Variants in TLL2 observed in about 807,000 individuals in gnomAD.
TLL2 encodes the protein tolloid-like protein 2.
In TLL2, 106 loss-of-function variants were observed where a neutral mutation model predicts 123.0. That is an observed-to-expected ratio of 0.86 (90% confidence interval 0.74 to 1.01). The LOEUF is 1.01. TLL2 is among the 50% of genes least tolerant of loss of function. TLL2 has a pLI of 0.00. For missense variants in TLL2, 1,332 were observed against 1,336.7 expected (o/e 1.00, Z 0.06); for synonymous variants, 494 against 516.8 (o/e 0.96, Z 0.60).
chr10:96,398,837 A>G (rs938407307), intron 10 of TLL2, among the ~76,000 whole-genome samples: 3 of 141,680 alleles, frequency 2.1e-5, no homozygotes, highest in Non-Finnish European at 4.7e-5. Flanking sequence ...GCTAATGAAT[A>G]TGGGTCTTCT....
chr10:96,424,165 G>A (rs1329036500), intron 5 of TLL2, among the ~76,000 whole-genome samples: 1 of 152,094 alleles, frequency 6.6e-6, no homozygotes, highest in Non-Finnish European at 1.5e-5. Context: ...TGGAAGGGTA[G>A]TGGGGGACTG....
At position 96,368,001 on chromosome 10, in the gene TLL2, TA is replaced by T; in HGVS notation, c.*86del. 5 of 1,522,058 alleles carry T rather than the reference TA, an allele frequency of 3.3e-6. No individual in the cohort carries two copies. Among genetic ancestry groups the T allele is most frequent in the Non-Finnish European group, 4.5e-6 (5 of 1,118,434 alleles). 94.3% of individuals were successfully genotyped at this position (1,522,058 alleles called of 1,614,324 possible). On this transcript the variant is annotated 3_prime_UTR_variant, in exon 21 of 21. Coordinates refer to ENST00000357947, the MANE Select transcript of TLL2 (RefSeq NM_012465.4). ...TTGAGAAAAATACTGTACACTGTTT[TA>T]GGGCAGATTTTCAAGGTGCTATTGT... is the stretch of plus-strand genomic sequence containing the variant.
chr10:96,408,106 C>T (rs966467228), intron 9 of TLL2, among the ~76,000 whole-genome samples: 2 of 152,240 alleles, frequency 1.3e-5, no homozygotes, highest in African/African-American at 4.8e-5. Context: ...TCCTATCCCA[C>T]ACCGTGCTCA....
chr10:96,395,199 T>A lies in TLL2; in HGVS notation c.1714A>T (p.Asn572Tyr), dbSNP rs1224786994. 1 of 1,602,446 alleles carries A rather than the reference T, an allele frequency of 6.2e-7. No homozygotes were observed. The change falls in exon 13 of 21, where the codon AAT (asparagine) becomes TAT (tyrosine). Residue 572 changes from asparagine (N) to tyrosine (Y), a missense_variant. Coordinates refer to ENST00000357947, the MANE Select transcript of TLL2 (RefSeq NM_012465.4). The stretch of plus-strand genomic sequence containing the variant: ...TGCTAATTCATACCCTTGAAAAAAT[T>A]GGCTGCAAAGCCCGCTTTATTGATA... ...GSINKAGFAA[N>Y]FFKEVDECSW...
chr10:96,372,013 T>C (rs1193755387), intron 19 of TLL2, among the ~76,000 whole-genome samples: 2 of 152,114 alleles, frequency 1.3e-5, no homozygotes, highest in African/African-American at 4.8e-5. Context: ...TGTCCCATAC[T>C]CTCCCACCCC....
Position 96,513,481 on chromosome 10 carries a change from CTGCGGGACT to C in TLL2, c.175+21_175+29del, listed in dbSNP as rs751978985. 8 of 1,611,224 alleles carry C rather than the reference CTGCGGGACT, an allele frequency of 5.0e-6. No individual in the cohort carries two copies. In the African/African-American group the frequency reaches 9.4e-5, roughly 19 times the overall value. On this transcript the variant is annotated intron_variant, in intron 1 of 20. Transcript: ENST00000357947. Reference sequence around the variant, plus strand: ...TCATTTGCATTTCAAAGGCAAACTTCTGCGGGACTTCCCCAGCGGCGGCACCTACCGGCT... The same window carrying C: ...TCATTTGCATTTCAAAGGCAAACTTCTCCCCAGCGGCGGCACCTACCGGCT...
At chr10:96,442,409 G>A (rs532821565) in intron 3 of TLL2, among the ~76,000 whole-genome samples, 8 of 152,196 alleles carry the variant, frequency 5.3e-5, no homozygotes, top group Non-Finnish European at 1.2e-4. Flanking sequence ...AAAGCAAGAG[G>A]CATCCAGCGC....
chr10:96,466,359 G>T (rs532785876), intron 2 of TLL2, among the ~76,000 whole-genome samples: 30 of 152,174 alleles, frequency 2.0e-4, no homozygotes, highest in Non-Finnish European at 2.4e-4. Context: ...TCTCTCTCTG[G>T]ATCTCCTTGG....
At chr10:96,387,567 A>G (rs1278271282) in intron 13 of TLL2, among the ~76,000 whole-genome samples, 1 of 152,218 alleles carries the variant, frequency 6.6e-6, no homozygotes, top group Non-Finnish European at 1.5e-5. Flanking sequence ...TCTGTTATTT[A>G]GGAGTTTTAG....
At chr10:96,424,141 T>C (rs1352807555) in intron 5 of TLL2, among the ~76,000 whole-genome samples, 1 of 151,770 alleles carries the variant, frequency 6.6e-6, no homozygotes, top group African/African-American at 2.4e-5. Flanking sequence ...ACTAGAAGGA[T>C]GGTTACTGGA....
chr10:96,414,597 C>T (rs147296539), intron 7 of TLL2, among the ~76,000 whole-genome samples: 15 of 152,198 alleles, frequency 9.9e-5, no homozygotes, highest in South Asian at 2.1e-4. Flanking sequence ...TCTGCTCCTA[C>T]GGCTTTTAAC....
chr10:96,464,065 T>A (rs1039613134), intron 2 of TLL2, among the ~76,000 whole-genome samples: 4 of 152,090 alleles, frequency 2.6e-5, no homozygotes, highest in African/African-American at 9.7e-5. Flanking sequence ...ACCTTTTCTG[T>A]AGAAGCTGCC....
At chr10:96,457,746 G>A (rs1847031770) in intron 2 of TLL2, among the ~76,000 whole-genome samples, 1 of 152,148 alleles carries the variant, frequency 6.6e-6, no homozygotes, top group South Asian at 2.1e-4. Flanking sequence ...AGGGTGAAGA[G>A]GAAGGGACAG....
chr10:96,381,850 CA>C (rs56711849), intron 16 of TLL2, among the ~76,000 whole-genome samples: 1 of 145,382 alleles, frequency 6.9e-6, no homozygotes, highest in Non-Finnish European at 1.5e-5. Flanking sequence ...GAGAGACTGC[CA>C]AAAAAAAAAT....
chr10:96,376,630 T>C, intron 18 of TLL2, 62 bp downstream of exon 18: 3 of 1,574,724 alleles, frequency 1.9e-6, no homozygotes, highest in African/African-American at 1.4e-5. Context: ...GAGCAGAGAC[T>C]CAAACGCACA....
chr10:96,370,075 C>T lies in TLL2; in HGVS notation c.2903G>A (p.Cys968Tyr). The change falls in exon 20 of 21, where the codon TGT becomes TAT. Residue 968 changes from cysteine (C) to tyrosine (Y), a missense_variant. By Grantham distance (194) the Cys-to-Tyr change is radical (BLOSUM62 -2). Coordinates refer to ENST00000357947, the MANE Select transcript of TLL2 (RefSeq NM_012465.4). Reference sequence around the variant, plus strand: ...GTCTCCGGGACTTACCCCAGAGCCACAGAAGCGGCCGAGCCTGGGCGCTGA... The same window carrying T: ...GTCTCCGGGACTTACCCCAGAGCCATAGAAGCGGCCGAGCCTGGGCGCTGA... ...DSSAPRLGRF[C>Y]GSGPLEEIYS... The T allele has an allele frequency of 1.3e-6, 2 of 1,592,958 alleles. No individual in the cohort carries two copies. Among genetic ancestry groups the T allele is most frequent in the Non-Finnish European group, 1.7e-6 (2 of 1,169,170 alleles).
chr10:96,431,247 G>C (rs747435558), intron 4 of TLL2, among the ~76,000 whole-genome samples: 12 of 139,610 alleles, frequency 8.6e-5, no homozygotes, highest in Non-Finnish European at 9.3e-5. Flanking sequence ...CTCCTTGAAG[G>C]CAGGATGAAA....
chr10:96,476,240 A>ATATATTTTTTTTT, intron 2 of TLL2, among the ~76,000 whole-genome samples: 2 of 20,494 alleles, frequency 9.8e-5, no homozygotes, highest in Admixed American at 5.2e-4. Context: ...ATATATATAT[A>ATATATTTTTTTTT]TTTTATTTTT....
rs1846032521 is a variant in TLL2 at position 96,366,736 on chromosome 10, CAA to C, written c.*1350_*1351del. 6.6e-6 allele frequency: 1 copy of C among 152,502 alleles called. No homozygotes were observed. Among genetic ancestry groups the C allele is most frequent in the African/African-American group, 2.4e-5 (1 of 41,438 alleles). 9.4% of individuals were successfully genotyped at this position (152,502 alleles called of 1,614,324 possible). A position where few individuals can be genotyped will look rare whatever the true frequency, so the allele number is the denominator to read the frequency against. On this transcript the variant is annotated 3_prime_UTR_variant, in exon 21 of 21. Coordinates refer to ENST00000357947, the MANE Select transcript of TLL2 (RefSeq NM_012465.4). ...AAACACTCATGTGCCGCCCTGCGTC[CAA>C]CAACAACCAAACAGGACTTACAGTT...
Sources: gnomAD v4.1 joint callset for allele counts (sites outside exome capture counted in the v4.1 genomes callset) on GRCh38, gnomAD v4.1.1 for gene constraint, MANE v1.5 for transcripts, NCBI Gene and HGNC (gene_info 2026-07-23, HGNC 2026-07-21) for gene names.